Variants in DOCK3 observed in about 807,000 individuals in gnomAD.
DOCK3 encodes the protein dedicator of cytokinesis protein 3.
DOCK3 carries 60 observed loss-of-function variants against 265.6 expected under a neutral mutation model. The observed-to-expected ratio is 0.23, with a 90% CI of 0.18 to 0.28. The LOEUF is 0.28. Ranked by LOEUF, DOCK3 falls within the 10% of genes least tolerant of loss-of-function variation. The probability of loss-of-function intolerance (pLI) is 1.00; values close to 1 mark genes in which losing one functional copy is unlikely to be tolerated. For missense variants in DOCK3, 1,981 were observed against 2,594.3 expected, an observed-to-expected ratio of 0.76 and a Z score of 5.14; for synonymous variants, 881 against 938.0, an observed-to-expected ratio of 0.94 and a Z score of 1.11.
rs2086612972 is a variant in DOCK3, at chr3:51,359,950, A to G, written c.4885-561A>G. On this transcript the variant is annotated intron_variant, in intron 46 of 52. Transcript: ENST00000266037. This position sits in a 1 kb window ranked among gnomAD's most constrained non-coding sequence, Gnocchi z 4.8. ...TGAGATCAGAAGTGTCTGCCCAGAA[A>G]TCTACATACTTAATATGAATTAATT... is the stretch of plus-strand genomic sequence containing the variant. 6.6e-6 allele frequency among the ~76,000 whole-genome samples: 1 copy of G among 152,224 alleles called. No individual in the cohort carries two copies.
At chr3:51,009,297 CTGT>C (rs1309904911) in intron 5 of DOCK3, among the ~76,000 whole-genome samples, 1 of 152,086 alleles carries the variant, frequency 6.6e-6, no homozygotes, top group Non-Finnish European at 1.5e-5. Flanking sequence ...ATTTCAGAGC[CTGT>C]TATTGGTCTA....
At chr3:50,704,997 T>C (rs577071277) in intron 1 of DOCK3, among the ~76,000 whole-genome samples, 5 of 151,808 alleles carry the variant, frequency 3.3e-5, no homozygotes, top group African/African-American at 7.2e-5. Context: ...TGAGGACTTA[T>C]TCCTCTCCAT....
At chr3:51,187,014 G>A (rs1322336805) in intron 12 of DOCK3, among the ~76,000 whole-genome samples, 1 of 152,194 alleles carries the variant, frequency 6.6e-6, no homozygotes, top group Non-Finnish European at 1.5e-5. Context: ...GCCTAGTGGA[G>A]CTGTGAGAAG....
chr3:50,863,687 A>T (rs2047019062), intron 3 of DOCK3, among the ~76,000 whole-genome samples: 1 of 152,182 alleles, frequency 6.6e-6, no homozygotes. Context: ...GGCACCTGAC[A>T]TCCCTGGTCA....
intron 38 of DOCK3, among the ~76,000 whole-genome samples, chr3:51,348,219 T>C (rs1220712011): frequency 6.6e-6 from 1 of 152,180 alleles, no homozygotes; most frequent in African/African-American, 2.4e-5. Flanking sequence ...ACAAGAGCCA[T>C]ACCACAGAAA....
At chr3:51,346,879 C>T (rs1221257742) in intron 38 of DOCK3, among the ~76,000 whole-genome samples, 1 of 152,212 alleles carries the variant, frequency 6.6e-6, no homozygotes, top group African/African-American at 2.4e-5. Flanking sequence ...TTGCATTTCT[C>T]TGATGGCCAG....
At chr3:51,086,797 A>AAAAAC (rs562538367) in intron 7 of DOCK3, among the ~76,000 whole-genome samples, 27 of 152,158 alleles carry the variant, frequency 1.8e-4, no homozygotes, top group Middle Eastern at 3.2e-3. Flanking sequence ...GACTCATCCC[A>AAAAAC]AAAACAAAAC....
Position 51,280,124 on chromosome 3 carries a change from C to T in DOCK3, c.2842C>T (p.Leu948Phe). The T allele has an allele frequency of 6.2e-7, 1 of 1,613,818 alleles. No homozygotes were observed. Among genetic ancestry groups the T allele is most frequent in the Non-Finnish European group, 8.5e-7 (1 of 1,179,834 alleles). ...AEITGEYVSC[L>F]LSLLRQMCDT... ...TCCCTAGGGCGAGTATGTGTCCTGC[C>T]TTCTCTCACTGCTCCGCCAGATGTG... The change falls in exon 27 of 53, where the codon CTT becomes TTT. Residue 948 changes from leucine to phenylalanine, a missense_variant. By Grantham distance (22) the Leu-to-Phe change is conservative. Around this residue, in one of 4 missense-constraint regions of DOCK3, gnomAD observed 1,357 missense variants for 1,866.8 expected, o/e 0.73. Transcript: ENST00000266037.
intron 3 of DOCK3, among the ~76,000 whole-genome samples, chr3:50,883,831 C>A (rs2048186879): frequency 6.6e-6 from 1 of 152,026 alleles, no homozygotes; most frequent in Admixed American, 6.6e-5. Flanking sequence ...TATTATGTTT[C>A]AAAATGTTTT....
chr3:51,255,907 C>T (rs1254250495), intron 22 of DOCK3, among the ~76,000 whole-genome samples: 1 of 152,194 alleles, frequency 6.6e-6, no homozygotes, highest in Non-Finnish European at 1.5e-5. Context: ...TGTTCTGTTG[C>T]TGGCGAGGAG....
At chr3:51,271,937 C>A (rs1231422599) in intron 24 of DOCK3, among the ~76,000 whole-genome samples, 2 of 151,454 alleles carry the variant, frequency 1.3e-5, no homozygotes, top group Non-Finnish European at 2.9e-5. Flanking sequence ...CGATACCTTT[C>A]CAGTCTTTGG....
chr3:50,780,029 TGG>T (rs1219138854), intron 2 of DOCK3, among the ~76,000 whole-genome samples: 2 of 152,102 alleles, frequency 1.3e-5, no homozygotes, highest in African/African-American at 4.8e-5. Context: ...AAGAGGGGTA[TGG>T]GAGGACATGT....
chr3:51,345,655 A>G (rs2085516338), intron 38 of DOCK3, among the ~76,000 whole-genome samples: 1 of 152,198 alleles, frequency 6.6e-6, no homozygotes, highest in East Asian at 1.9e-4. Flanking sequence ...CAAAACACAC[A>G]TGCACACACA....
intron 12 of DOCK3, among the ~76,000 whole-genome samples, chr3:51,174,864 C>G (rs1427604917): frequency 1.3e-5 from 2 of 152,224 alleles, no homozygotes; most frequent in African/African-American, 4.8e-5. Flanking sequence ...ACAATGGAGT[C>G]TGAAGTTGGT....
chr3:51,293,151 A>G (rs1371300850), intron 27 of DOCK3, among the ~76,000 whole-genome samples: 1 of 152,188 alleles, frequency 6.6e-6, no homozygotes, highest in African/African-American at 2.4e-5. Context: ...GGAATAAAAA[A>G]AGACCCCAAA....
intron 9 of DOCK3, among the ~76,000 whole-genome samples, chr3:51,118,428 T>C (rs1162050096): frequency 6.6e-6 from 1 of 152,214 alleles, no homozygotes; most frequent in Non-Finnish European, 1.5e-5. Flanking sequence ...GAAGAATGTA[T>C]ATTCTGTTGA....
At chr3:50,822,186 T>C (rs2044478597) in intron 2 of DOCK3, among the ~76,000 whole-genome samples, 1 of 152,148 alleles carries the variant, frequency 6.6e-6, no homozygotes, top group Admixed American at 6.5e-5. Context: ...CTTTCAGCCG[T>C]ATTTTGTAGT....
At position 51,253,293 on chromosome 3, in the gene DOCK3, A is replaced by G. The variant is rs894105377; in HGVS notation, c.2184+6486A>G. Among the ~76,000 whole-genome samples, 8 of 152,324 alleles carry G rather than the reference A, an allele frequency of 5.3e-5. No homozygotes were observed. In the South Asian group the frequency reaches 6.2e-4, roughly 12 times the overall value. Reference sequence around the variant, plus strand: ...TATTTTACTGAGGATTTTCGCATCAATGTTCATCAGGGATATTGGTCTAAA... The same window carrying G: ...TATTTTACTGAGGATTTTCGCATCAGTGTTCATCAGGGATATTGGTCTAAA... On this transcript the variant is annotated intron_variant, in intron 22 of 52. Transcript: ENST00000266037.
At chr3:50,929,516 A>G (rs1575556036) in intron 4 of DOCK3, among the ~76,000 whole-genome samples, 1 of 152,072 alleles carries the variant, frequency 6.6e-6, no homozygotes, top group East Asian at 1.9e-4. Context: ...CTTGCTTCTC[A>G]TGTCATTTTG....
Sources: allele counts gnomAD v4.1 joint callset (sites outside exome capture counted in the v4.1 genomes callset), GRCh38; gene constraint gnomAD v4.1.1; regional missense constraint gnomAD v4.1.1; non-coding constraint Gnocchi (gnomAD v3.1); transcripts MANE v1.5; gene names NCBI Gene and HGNC (gene_info 2026-07-23, HGNC 2026-07-21).